The following RBFOX1 variants were observed in gnomAD, a reference collection of about 807,000 sequenced individuals.
RBFOX1 encodes the protein RNA binding fox-1 homolog 1, also known as RNA binding protein fox-1 homolog 1.
In RBFOX1, 8 loss-of-function variants were observed where a neutral mutation model predicts 57.7. The observed-to-expected ratio is 0.14, with a 90% CI of 0.08 to 0.25. RBFOX1 has a LOEUF of 0.25. Ranked by LOEUF, RBFOX1 falls within the 10% of genes least tolerant of loss-of-function variation. The pLI is 1.00. For synonymous variants in RBFOX1, 326 were observed against 222.4 expected (o/e 1.47, Z -4.15); for missense variants, 611 against 548.5 (o/e 1.11, Z -1.14).
At chr16:5,738,989 C>A (rs1191953836) in intron 3 of RBFOX1, among the ~76,000 whole-genome samples, 1 of 152,012 alleles carries the variant, frequency 6.6e-6, no homozygotes, top group African/African-American at 2.4e-5. Flanking sequence ...TTACTCCACA[C>A]ACCCCTTCCT....
intron 4 of RBFOX1, among the ~76,000 whole-genome samples, chr16:7,464,318 A>T (rs1201051553): frequency 6.6e-6 from 1 of 152,202 alleles, no homozygotes; most frequent in Non-Finnish European, 1.5e-5. Flanking sequence ...GAAACACAGT[A>T]AAATGATCAC....
intron 3 of RBFOX1, among the ~76,000 whole-genome samples, chr16:5,743,397 T>C (rs944139207): frequency 3.9e-5 from 6 of 152,174 alleles, no homozygotes; most frequent in Non-Finnish European, 8.8e-5. Flanking sequence ...AAATGAGACC[T>C]TTGCAGAGCA....
intron 2 of RBFOX1, among the ~76,000 whole-genome samples, chr16:6,389,383 C>T (rs909121100): frequency 2.6e-5 from 4 of 152,332 alleles, no homozygotes; most frequent in Admixed American, 1.3e-4. Flanking sequence ...TCTTTCAACA[C>T]TCTTCGATCA....
chr16:6,357,551 C>T (rs1389702550), intron 2 of RBFOX1, among the ~76,000 whole-genome samples: 1 of 151,408 alleles, frequency 6.6e-6, no homozygotes, highest in African/African-American at 2.4e-5. Context: ...TGCACAAGCG[C>T]TCTCTCTCTT....
chr16:6,655,402 A>G (rs1007661809), intron 3 of RBFOX1, among the ~76,000 whole-genome samples: 8 of 139,918 alleles, frequency 5.7e-5, no homozygotes, highest in African/African-American at 2.2e-4. Flanking sequence ...AAAAAAAAAA[A>G]AGAGCTCGCG....
At chr16:7,141,792 C>T (rs958826703) in intron 4 of RBFOX1, among the ~76,000 whole-genome samples, 2 of 152,080 alleles carry the variant, frequency 1.3e-5, no homozygotes, top group African/African-American at 2.4e-5. Context: ...AGCCTGGTCA[C>T]GGTCCATCAT....
At chr16:7,473,294 C>A in intron 4 of RBFOX1, among the ~76,000 whole-genome samples, 1 of 151,788 alleles carries the variant, frequency 6.6e-6, no homozygotes. Context: ...ATGAGAATTG[C>A]TTGAACTCAG....
chr16:6,206,558 A>G (rs926291525), intron 1 of RBFOX1, among the ~76,000 whole-genome samples: 1 of 152,224 alleles, frequency 6.6e-6, no homozygotes, highest in Admixed American at 6.5e-5. Flanking sequence ...AGCTGGCGAT[A>G]TTAAATGTTC....
intron 3 of RBFOX1, among the ~76,000 whole-genome samples, chr16:5,864,005 AG>A (rs1369544670): frequency 2.0e-5 from 3 of 152,164 alleles, no homozygotes; most frequent in Admixed American, 6.5e-5. Flanking sequence ...TTCATCCCCC[AG>A]GTATTAAGCC....
intron 2 of RBFOX1, among the ~76,000 whole-genome samples, chr16:6,649,312 A>G (rs534302180): frequency 2.6e-5 from 4 of 152,182 alleles, no homozygotes; most frequent in African/African-American, 9.7e-5. Flanking sequence ...TGTTGTGTAT[A>G]TATACCACAT....
intron 3 of RBFOX1, among the ~76,000 whole-genome samples, chr16:6,932,186 C>G (rs981879715): frequency 6.6e-6 from 1 of 152,186 alleles, no homozygotes; most frequent in Non-Finnish European, 1.5e-5. Flanking sequence ...TCACTGCAAC[C>G]TCCACCTCCT....
rs2064813779 is a variant in RBFOX1 at position 7,650,517 on chromosome 16, AG to A, written c.758-3295del. On this transcript the variant is annotated intron_variant, in intron 11 of 15. Coordinates refer to ENST00000550418, the MANE Select transcript of RBFOX1 (RefSeq NM_018723.4). Reference sequence around the variant, plus strand: ...AATCCATTTTCTCCCTGTAATGAAGAGGGTACAAAATGGAATCCTGGCTCCA... The same window carrying A: ...AATCCATTTTCTCCCTGTAATGAAGAGGTACAAAATGGAATCCTGGCTCCA... Among the ~76,000 whole-genome samples, 3 of 152,126 alleles carry A rather than the reference AG, an allele frequency of 2.0e-5. No individual in the cohort carries two copies. In the South Asian group the frequency reaches 6.2e-4, roughly 32 times the overall value.
chr16:7,155,366 G>A (rs2076872334), intron 4 of RBFOX1, among the ~76,000 whole-genome samples: 1 of 151,834 alleles, frequency 6.6e-6, no homozygotes, highest in African/African-American at 2.4e-5. Flanking sequence ...GAGTTCAGTG[G>A]GTCACTTAAG....
intron 1 of RBFOX1, among the ~76,000 whole-genome samples, chr16:5,435,206 C>T (rs908382015): frequency 6.6e-6 from 1 of 152,196 alleles, no homozygotes; most frequent in African/African-American, 2.4e-5. Flanking sequence ...TCTCAAGTAG[C>T]TGGTGATGGG....
intron 4 of RBFOX1, among the ~76,000 whole-genome samples, chr16:7,483,483 AG>A (rs879188018): frequency 2.7e-4 from 41 of 152,350 alleles, no homozygotes; most frequent in Admixed American, 1.5e-3. Flanking sequence ...GGACCTAAAA[AG>A]CAGTTAGTGT....
intron 3 of RBFOX1, among the ~76,000 whole-genome samples, chr16:6,982,942 T>C (rs1599098090): frequency 8.3e-6 from 1 of 120,106 alleles, no homozygotes; most frequent in Non-Finnish European, 1.6e-5. Flanking sequence ...TGCAGTGAGA[T>C]AACATCATGC....
intron 4 of RBFOX1, among the ~76,000 whole-genome samples, chr16:7,312,307 G>A (rs774313390): frequency 6.6e-6 from 1 of 152,230 alleles, no homozygotes; most frequent in African/African-American, 2.4e-5. Context: ...TTGAACCCAG[G>A]AGACAGAGGT....
At chr16:6,774,038 C>T (rs902513110) in intron 3 of RBFOX1, 1 of 972,650 alleles carries the variant, frequency 1.0e-6, no homozygotes, top group Non-Finnish European at 1.2e-6. Flanking sequence ...CTTTTTCTAC[C>T]TGTAAATGCT....
At chr16:6,156,244 C>T (rs1280814208) in intron 1 of RBFOX1, among the ~76,000 whole-genome samples, 1 of 152,222 alleles carries the variant, frequency 6.6e-6, no homozygotes, top group Non-Finnish European at 1.5e-5. Context: ...CAGACACTGT[C>T]CGTCACCTTC....
Sources: gnomAD v4.1 joint callset for allele counts (sites outside exome capture counted in the v4.1 genomes callset) on GRCh38, gnomAD v4.1.1 for gene constraint, MANE v1.5 for transcripts, NCBI Gene and HGNC (gene_info 2026-07-23, HGNC 2026-07-21) for gene names.